RASA3: variants seen among roughly 807,000 people sequenced by gnomAD.
The protein encoded by RASA3 is RAS p21 protein activator 3.
Under a neutral mutation model 110.0 loss-of-function variants are expected in RASA3, and 73 were observed. The observed-to-expected ratio is 0.66, with a 90% CI of 0.55 to 0.81. The LOEUF is 0.81. Ranked by LOEUF, RASA3 falls within the 30% of genes least tolerant of loss-of-function variation. The probability of loss-of-function intolerance (pLI) is 0.00; values close to 1 mark genes in which losing one functional copy is unlikely to be tolerated. For missense variants in RASA3, 976 were observed against 1,113.2 expected (o/e 0.88, Z 1.75); for synonymous variants, 500 against 451.4 (o/e 1.11, Z -1.37).
At chr13:114,030,480 A>G (rs2054136640) in intron 4 of RASA3, among the ~76,000 whole-genome samples, 2 of 132,504 alleles carry the variant, frequency 1.5e-5, no homozygotes, top group African/African-American at 5.8e-5. Flanking sequence ...AGGCTCACAC[A>G]GAGGGCAAGA....
At chr13:114,050,378 T>C (rs545208528) in intron 3 of RASA3, among the ~76,000 whole-genome samples, 1 of 152,250 alleles carries the variant, frequency 6.6e-6, no homozygotes, top group Non-Finnish European at 1.5e-5. Flanking sequence ...CCGCTCAAAA[T>C]GAAGTCAAAT....
chr13:113,995,731 G>GA (rs2053223364), intron 21 of RASA3, among the ~76,000 whole-genome samples: 1 of 69,518 alleles, frequency 1.4e-5, no homozygotes, highest in African/African-American at 7.7e-5. Flanking sequence ...CTGATGGGGG[G>GA]CCCGGCTGAC....
chr13:114,088,975 T>C (rs1347811533), intron 1 of RASA3, among the ~76,000 whole-genome samples: 1 of 152,112 alleles, frequency 6.6e-6, no homozygotes, highest in Non-Finnish European at 1.5e-5. Context: ...AACTCCACCA[T>C]ATATGAAGTT....
intron 2 of RASA3, among the ~76,000 whole-genome samples, chr13:114,064,657 C>T (rs7986001): frequency 0.45 from 68,225 of 152,154 alleles, 15,434 homozygotes; most frequent in Middle Eastern, 0.52. Context: ...GTTCGGTGGC[C>T]TGTGCCGGAC....
chr13:114,074,789 T>C (rs1566554065), intron 1 of RASA3, among the ~76,000 whole-genome samples: 1 of 152,216 alleles, frequency 6.6e-6, no homozygotes, highest in Non-Finnish European at 1.5e-5. Context: ...CCGGACTCCT[T>C]GTTTGCCAGG....
At chr13:114,080,683 C>CCCCAGGGGCCACTGAAACAGGGGTCTCA (rs2079770402) in intron 1 of RASA3, among the ~76,000 whole-genome samples, 1 of 151,886 alleles carries the variant, frequency 6.6e-6, no homozygotes, top group Non-Finnish European at 1.5e-5. Flanking sequence ...CAGGGGTCTC[C>CCCCAGGGGCCACTGAAACAGGGGTCTCA]CCCAGGGGCC....
In RASA3 at chr13:114,018,757, A is replaced by G; in HGVS notation, c.942+6T>C. The G allele has an allele frequency of 6.2e-7, 1 of 1,612,888 alleles. No individual in the cohort carries two copies. The highest frequency in any genetic ancestry group is 8.5e-7 in the Non-Finnish European group (1 of 1,179,786). On this transcript the variant is annotated splice_donor_region_variant and intron_variant, in intron 10 of 23. Transcript: ENST00000334062. Reference sequence around the variant, plus strand: ...CACACCCACAGGCCACGGCGTGGACAAGCACCTCCACATCCGCAGACTTCA... The same window carrying G: ...CACACCCACAGGCCACGGCGTGGACGAGCACCTCCACATCCGCAGACTTCA...
At chr13:114,047,852 T>C (rs1179706152) in intron 3 of RASA3, among the ~76,000 whole-genome samples, 2 of 152,200 alleles carry the variant, frequency 1.3e-5, no homozygotes, top group African/African-American at 4.8e-5. Flanking sequence ...CCCGGGGCTG[T>C]GGGCCAGGGT....
chr13:114,045,654 T>C (rs1198963681), intron 3 of RASA3, among the ~76,000 whole-genome samples: 1 of 152,126 alleles, frequency 6.6e-6, no homozygotes, highest in East Asian at 1.9e-4. Flanking sequence ...CAGGCAAAGC[T>C]AATAGAACTA....
intron 4 of RASA3, among the ~76,000 whole-genome samples, chr13:114,038,153 C>T (rs184040129): frequency 1.1e-3 from 173 of 152,136 alleles, no homozygotes; most frequent in Non-Finnish European, 7.2e-4. Flanking sequence ...AGGCAAACGA[C>T]GAGGCCGCAC....
At chr13:114,071,406 C>T (rs1344313645) in intron 2 of RASA3, among the ~76,000 whole-genome samples, 4 of 152,214 alleles carry the variant, frequency 2.6e-5, no homozygotes, top group Admixed American at 2.0e-4. Flanking sequence ...TCTGATTCAG[C>T]GGGTCTGAGA....
chr13:114,080,645 G>A (rs891619486), intron 1 of RASA3, among the ~76,000 whole-genome samples: 11 of 55,876 alleles, frequency 2.0e-4, no homozygotes, highest in Admixed American at 1.4e-3. Flanking sequence ...TGTGCTTACT[G>A]GAGGCCTGAC....
intron 18 of RASA3, among the ~76,000 whole-genome samples, chr13:114,003,651 T>C (rs552342424): frequency 6.7e-6 from 1 of 148,338 alleles, no homozygotes; most frequent in South Asian, 2.1e-4. Flanking sequence ...AGGCTCGTAA[T>C]ATATTCTGTG....
intron 1 of RASA3, among the ~76,000 whole-genome samples, chr13:114,123,661 T>C (rs1447432574): frequency 1.3e-5 from 2 of 152,178 alleles, no homozygotes; most frequent in South Asian, 2.1e-4. Context: ...GGGCACGCCA[T>C]GCGCACCAGG....
chr13:114,123,933 A>G (rs2080412854), intron 1 of RASA3, among the ~76,000 whole-genome samples: 1 of 152,216 alleles, frequency 6.6e-6, no homozygotes, highest in Non-Finnish European at 1.5e-5. Flanking sequence ...AATTATTCGG[A>G]TAACATAAAA....
At chr13:114,044,545 C>T (rs2079021169) in intron 3 of RASA3, among the ~76,000 whole-genome samples, 1 of 100,440 alleles carries the variant, frequency 1.0e-5, no homozygotes, top group African/African-American at 4.2e-5. Flanking sequence ...CCCCCGCCCT[C>T]CCACCGGCAG....
At chr13:114,055,625 G>A (rs2079230891) in intron 2 of RASA3, among the ~76,000 whole-genome samples, 1 of 152,218 alleles carries the variant, frequency 6.6e-6, no homozygotes, top group African/African-American at 2.4e-5. Context: ...CGACAAAACG[G>A]CCTCTTCTGT....
At chr13:114,018,963 T>C (rs758121415) in intron 9 of RASA3, 44 bp from the exon 10 acceptor site, 2 of 1,609,564 alleles carry the variant, frequency 1.2e-6, no homozygotes, top group South Asian at 2.2e-5. Context: ...AGGCTGCATC[T>C]GCCAAGGAGC....
intron 1 of RASA3, among the ~76,000 whole-genome samples, chr13:114,075,539 GCCGGCAGGACGAAGCC>G (rs2079657416): frequency 1.2e-5 from 1 of 86,626 alleles, no homozygotes. Flanking sequence ...GTGTGGAGGC[GCCGGCAGGACGAAGCC>G]TCCCGTGTCC....
Sources: gnomAD v4.1 joint callset for allele counts (sites outside exome capture counted in the v4.1 genomes callset) on GRCh38, gnomAD v4.1.1 for gene constraint, MANE v1.5 for transcripts, NCBI Gene and HGNC (gene_info 2026-07-23, HGNC 2026-07-21) for gene names.